Variants in CCDC6 observed in about 807,000 individuals in gnomAD.
The protein encoded by CCDC6 is coiled-coil domain containing 6.
Under a neutral mutation model 56.6 loss-of-function variants are expected in CCDC6, and 20 were observed. The ratio of observed to expected loss-of-function variants is 0.35; its 90% CI spans 0.25 to 0.51. The LOEUF (loss-of-function observed/expected upper bound fraction) is 0.51. CCDC6 is among the 20% of genes least tolerant of loss of function. The probability of loss-of-function intolerance (pLI) is 0.95; values close to 1 mark genes in which losing one functional copy is unlikely to be tolerated. For missense variants in CCDC6, 367 were observed against 601.1 expected, an observed-to-expected ratio of 0.61 and a Z score of 4.07; for synonymous variants, 241 against 234.4, an observed-to-expected ratio of 1.03 and a Z score of -0.26.
At chr10:59,814,833 G>A in intron 3 of CCDC6, 78 bp from the exon 4 acceptor site, 1 of 910,678 alleles carries the variant, frequency 1.1e-6, no homozygotes, top group South Asian at 1.4e-5. Context: ...TGAACAATTA[G>A]GACCCCTTTT....
chr10:59,804,281 A>C (rs1212707494), intron 7 of CCDC6, 139 bp downstream of exon 7: 1 of 583,740 alleles, frequency 1.7e-6, no homozygotes, highest in Non-Finnish European at 3.1e-6. Flanking sequence ...GAGAGTGATG[A>C]GTTTTTGATG....
intron 2 of CCDC6, among the ~76,000 whole-genome samples, chr10:59,851,115 A>G (rs1311103670): frequency 6.7e-6 from 1 of 150,336 alleles, no homozygotes; most frequent in African/African-American, 2.5e-5. Context: ...GACTCCAAAA[A>G]ACAACCATGT....
intron 5 of CCDC6, among the ~76,000 whole-genome samples, chr10:59,810,798 T>C (rs1181143768): frequency 6.6e-6 from 1 of 152,074 alleles, no homozygotes; most frequent in African/African-American, 2.4e-5. Context: ...CCAAAACCTA[T>C]AAATGCTACT....
chr10:59,888,337 ATAG>A (rs1328446618), intron 1 of CCDC6, among the ~76,000 whole-genome samples: 4 of 152,226 alleles, frequency 2.6e-5, no homozygotes, highest in Non-Finnish European at 5.9e-5. Context: ...AGATTTCCTT[ATAG>A]TAGAACCACA....
At chr10:59,885,601 C>T (rs1367911975) in intron 1 of CCDC6, among the ~76,000 whole-genome samples, 14 of 152,146 alleles carry the variant, frequency 9.2e-5, no homozygotes, top group Admixed American at 7.9e-4. Context: ...GGCCACATCC[C>T]GATCTCACTC....
chr10:59,836,039 C>T (rs1322834051), intron 2 of CCDC6, among the ~76,000 whole-genome samples: 1 of 135,624 alleles, frequency 7.4e-6, no homozygotes, highest in African/African-American at 2.9e-5. Context: ...GGGTGACAGA[C>T]TGCGACCCTG....
intron 1 of CCDC6, among the ~76,000 whole-genome samples, chr10:59,861,432 C>CAAAA (rs55716341): frequency 2.2e-5 from 2 of 88,950 alleles, no homozygotes; most frequent in African/African-American, 4.1e-5. Flanking sequence ...CAAAAATTAC[C>CAAAA]AAAAAAAAAA....
chr10:59,815,600 GA>G (rs1165631213), intron 3 of CCDC6, among the ~76,000 whole-genome samples: 1 of 152,180 alleles, frequency 6.6e-6, no homozygotes, highest in Non-Finnish European at 1.5e-5. Flanking sequence ...GGGCTGGTAA[GA>G]GAGACTGAAA....
chr10:59,828,521 A>G (rs2070807967), intron 3 of CCDC6, among the ~76,000 whole-genome samples: 5 of 152,248 alleles, frequency 3.3e-5, no homozygotes, highest in Admixed American at 3.3e-4. Context: ...GAAGTATAAA[A>G]GAAAGATGAC....
rs2070683379 is a variant in CCDC6, at chr10:59,812,792, G to T, written c.690C>A (p.Ile230=). The change falls in exon 5 of 9, where the codon ATC becomes ATA. Residue 230 remains isoleucine, a synonymous_variant. Coordinates refer to ENST00000263102, the MANE Select transcript of CCDC6 (RefSeq NM_005436.5). ...RMDKLEAEKR[I]LQEKLDQPVS... ...CGGGCTGGTCTAATTTTTCCTGCAG[G>T]ATTCTTCATTGAAAAGAAAAATTCC... The T allele has an allele frequency of 6.3e-7, 1 of 1,587,770 alleles. No individual in the cohort carries two copies. Among genetic ancestry groups the T allele is most frequent in the East Asian group, 2.3e-5 (1 of 44,220 alleles).
At chr10:59,814,620 A>ACC (rs1554882962) in intron 4 of CCDC6, 32 bp downstream of exon 4, 1 of 1,300,044 alleles carries the variant, frequency 7.7e-7, no homozygotes, top group Non-Finnish European at 1.1e-6. Flanking sequence ...ACACACACAC[A>ACC]CACCCATACT....
In CCDC6 at chr10:59,833,652, G is replaced by T. The variant is rs1341490642; in HGVS notation, c.454-999C>A. Among the ~76,000 whole-genome samples the T allele has an allele frequency of 3.2e-5, 4 of 123,816 alleles. 1 individual carries two copies. Among genetic ancestry groups the T allele is most frequent in the Admixed American group, 1.7e-4 (2 of 12,034 alleles). 81.2% of individuals were successfully genotyped at this position (123,816 alleles called of 152,430 possible). The stretch of plus-strand genomic sequence containing the variant: ...TAACACTCTCAACTGGGGGGGGGGG[G>T]GGTTTGTTGATCCACAGCAGGGGTT... On this transcript the variant is annotated intron_variant, in intron 2 of 8. Transcript: ENST00000263102.
chr10:59,817,950 T>C (rs960669717), intron 3 of CCDC6, among the ~76,000 whole-genome samples: 1 of 152,164 alleles, frequency 6.6e-6, no homozygotes, highest in South Asian at 2.1e-4. Flanking sequence ...ATCATCATTT[T>C]AAAGCTGAGG....
At chr10:59,800,100 C>T (rs1343039288) in intron 7 of CCDC6, among the ~76,000 whole-genome samples, 2 of 152,190 alleles carry the variant, frequency 1.3e-5, no homozygotes, top group Non-Finnish European at 2.9e-5. Flanking sequence ...TTACAATTCA[C>T]AAGAAATTGC....
At chr10:59,854,558 C>A (rs2071065354) in intron 1 of CCDC6, among the ~76,000 whole-genome samples, 1 of 151,290 alleles carries the variant, frequency 6.6e-6, no homozygotes, top group African/African-American at 2.4e-5. Flanking sequence ...AGTGAGCAGT[C>A]CATAGGTTCC....
intron 1 of CCDC6, among the ~76,000 whole-genome samples, chr10:59,881,771 G>A (rs1167463408): frequency 6.6e-6 from 1 of 152,178 alleles, no homozygotes; most frequent in Non-Finnish European, 1.5e-5. Context: ...TTGGTATTAA[G>A]ACCAAAGAAA....
intron 3 of CCDC6, among the ~76,000 whole-genome samples, chr10:59,824,895 CT>C (rs1447066347): frequency 6.6e-6 from 1 of 152,158 alleles, no homozygotes; most frequent in Non-Finnish European, 1.5e-5. Flanking sequence ...TATAACTAAA[CT>C]ACAAAGTATG....
intron 1 of CCDC6, among the ~76,000 whole-genome samples, chr10:59,860,969 T>G (rs1272547747): frequency 6.6e-6 from 1 of 151,756 alleles, no homozygotes; most frequent in Non-Finnish European, 1.5e-5. Flanking sequence ...GCAAGTTGGG[T>G]GGATCACTTG....
chr10:59,899,137 C>G (rs570670294), intron 1 of CCDC6, among the ~76,000 whole-genome samples: 24 of 152,222 alleles, frequency 1.6e-4, no homozygotes, highest in African/African-American at 5.1e-4. Context: ...CAAGTTAACA[C>G]CACCCCAAGA....
Sources: allele counts gnomAD v4.1 joint callset (sites outside exome capture counted in the v4.1 genomes callset), GRCh38; gene constraint gnomAD v4.1.1; transcripts MANE v1.5; gene names NCBI Gene and HGNC (gene_info 2026-07-23, HGNC 2026-07-21).